PRKACB: variants seen among roughly 807,000 people sequenced by gnomAD.
PRKACB encodes cAMP-dependent protein kinase catalytic subunit beta.
A neutral mutation model predicts 51.4 loss-of-function variants in PRKACB; 16 were observed. The ratio of observed to expected loss-of-function variants is 0.31; its 90% CI spans 0.21 to 0.47. PRKACB has a LOEUF of 0.47. PRKACB is among the 20% of genes least tolerant of loss of function. The probability of loss-of-function intolerance (pLI) is 1.00; values close to 1 mark genes in which losing one functional copy is unlikely to be tolerated. For synonymous variants in PRKACB, 147 were observed against 154.4 expected (o/e 0.95, Z 0.35); for missense variants, 309 against 464.5 (o/e 0.67, Z 3.08).
chr1:84,116,071 A>G (rs1431861886), intron 1 of PRKACB, among the ~76,000 whole-genome samples: 1 of 152,018 alleles, frequency 6.6e-6, no homozygotes, highest in East Asian at 1.9e-4. Flanking sequence ...GCATGTGGCT[A>G]TTCAGTTTTC....
At chr1:84,134,979 C>A (rs910405754) in intron 1 of PRKACB, among the ~76,000 whole-genome samples, 3 of 151,994 alleles carry the variant, frequency 2.0e-5, no homozygotes, top group African/African-American at 7.2e-5. Context: ...TTACTTTCAT[C>A]TTTTCTTTTA....
At chr1:84,090,723 C>T (rs902919933) in intron 1 of PRKACB, among the ~76,000 whole-genome samples, 1 of 152,136 alleles carries the variant, frequency 6.6e-6, no homozygotes, top group African/African-American at 2.4e-5. Flanking sequence ...GCTGTATCAC[C>T]TTTTATGACC....
At chr1:84,078,141 G>A (rs1166060974), upstream of PRKACB, 7 of 573,362 alleles carry the variant, frequency 1.2e-5, no homozygotes, top group Admixed American at 7.4e-5. Context: ...CCGGTGCTAA[G>A]GAGTTCGCTG....
Position 84,174,969 on chromosome 1 carries a change from G to T in PRKACB, c.188-4208G>T. The T allele has an allele frequency of 2.2e-6, 3 of 1,375,220 alleles. No homozygotes were observed. The South Asian group carries it at 4.7e-5, about 22-fold the overall frequency. 85.2% of individuals were successfully genotyped at this position (1,375,220 alleles called of 1,614,324 possible). A position where few individuals can be genotyped will look rare whatever the true frequency, so the allele number is the denominator to read the frequency against. The stretch of plus-strand genomic sequence containing the variant: ...GTATTCTGAAAAAATGCGTATTGGT[G>T]ACTTCATGCTAATATGTTATTCATA... On this transcript the variant is annotated intron_variant, in intron 1 of 9. Transcript: ENST00000370685.
At chr1:84,101,960 C>T (rs958745804) in intron 1 of PRKACB, among the ~76,000 whole-genome samples, 4 of 152,102 alleles carry the variant, frequency 2.6e-5, no homozygotes, top group African/African-American at 9.7e-5. Context: ...TTATTTATTA[C>T]TATCTCATGA....
chr1:84,164,446 A>T, intron 1 of PRKACB: 2 of 1,560,064 alleles, frequency 1.3e-6, no homozygotes, highest in East Asian at 2.4e-5. Flanking sequence ...GAAAACAGCA[A>T]TTTTTTCATA....
intron 1 of PRKACB, among the ~76,000 whole-genome samples, chr1:84,166,120 G>C (rs539044533): frequency 4.0e-5 from 6 of 151,672 alleles, no homozygotes; most frequent in Admixed American, 4.0e-4. Context: ...AATAATATTA[G>C]ATATTAAAGG....
intron 1 of PRKACB, among the ~76,000 whole-genome samples, chr1:84,099,060 G>C (rs1461263334): frequency 6.6e-6 from 1 of 152,020 alleles, no homozygotes; most frequent in Non-Finnish European, 1.5e-5. Flanking sequence ...CTAAGACAGG[G>C]TAGGGTGGGA....
At chr1:84,105,910 A>G (rs1020152448) in intron 1 of PRKACB, among the ~76,000 whole-genome samples, 11 of 152,110 alleles carry the variant, frequency 7.2e-5, no homozygotes, top group Middle Eastern at 3.2e-3. Flanking sequence ...TTGGCTTTCT[A>G]TATCCACAGA....
chr1:84,102,508 T>C (rs570318102), intron 1 of PRKACB, among the ~76,000 whole-genome samples: 3 of 152,366 alleles, frequency 2.0e-5, no homozygotes, highest in East Asian at 1.9e-4. Context: ...AGCAGTCTTA[T>C]GTGAGGCCCA....
chr1:84,182,613 G>T (rs1177338575), intron 3 of PRKACB, among the ~76,000 whole-genome samples: 1 of 151,784 alleles, frequency 6.6e-6, no homozygotes, highest in African/African-American at 2.4e-5. Context: ...ACAGACTTTT[G>T]TTTCTTGTTA....
intron 9 of PRKACB, among the ~76,000 whole-genome samples, chr1:84,232,960 T>C: frequency 6.6e-6 from 1 of 152,100 alleles, no homozygotes; most frequent in Middle Eastern, 3.2e-3. Flanking sequence ...GTCATTATGA[T>C]GTTAGCTTGT....
chr1:84,204,684 T>C, intron 8 of PRKACB: 1 of 1,027,014 alleles, frequency 9.7e-7, no homozygotes, highest in Non-Finnish European at 1.3e-6. Flanking sequence ...AATGTTATAA[T>C]AATTGTTTCA....
chr1:84,217,856 G>C (rs1026999077), intron 9 of PRKACB, among the ~76,000 whole-genome samples: 3 of 152,044 alleles, frequency 2.0e-5, no homozygotes, highest in Non-Finnish European at 2.9e-5. Context: ...TTTTCTTTTA[G>C]TGCTTTCTGA....
chr1:84,096,124 G>T (rs1184891946), intron 1 of PRKACB, among the ~76,000 whole-genome samples: 1 of 151,812 alleles, frequency 6.6e-6, no homozygotes, highest in African/African-American at 2.4e-5. Flanking sequence ...TGACTTGTTG[G>T]CTGTTCTCAG....
intron 1 of PRKACB, among the ~76,000 whole-genome samples, chr1:84,079,911 C>A (rs775393087): frequency 2.0e-5 from 3 of 152,166 alleles, no homozygotes; most frequent in Non-Finnish European, 2.9e-5. Context: ...GGTAATCCAC[C>A]CACCTCGGCC....
At chr1:84,124,693 G>A (rs376870375) in intron 1 of PRKACB, among the ~76,000 whole-genome samples, 7 of 152,276 alleles carry the variant, frequency 4.6e-5, no homozygotes, top group African/African-American at 1.7e-4. Context: ...TGAAAGGAGT[G>A]ACTATCCCAT....
At chr1:84,207,845 A>G (rs1377423518) in intron 8 of PRKACB, among the ~76,000 whole-genome samples, 1 of 147,386 alleles carries the variant, frequency 6.8e-6, no homozygotes, top group African/African-American at 2.5e-5. Context: ...GCTTTATTTT[A>G]TTTCATTTTC....
chr1:84,166,627 G>A (rs1021621193), intron 1 of PRKACB, among the ~76,000 whole-genome samples: 1 of 151,552 alleles, frequency 6.6e-6, no homozygotes, highest in African/African-American at 2.4e-5. Context: ...TGTCATAAAT[G>A]GTTAAGTGTC....
Sources: gnomAD v4.1 joint callset for allele counts (sites outside exome capture counted in the v4.1 genomes callset) on GRCh38, gnomAD v4.1.1 for gene constraint, MANE v1.5 for transcripts, NCBI Gene and HGNC (gene_info 2026-07-23, HGNC 2026-07-21) for gene names.